PLXNA4: variants seen among roughly 807,000 people sequenced by gnomAD.
PLXNA4 encodes plexin-A4.
PLXNA4 carries 44 observed loss-of-function variants against 191.8 expected under a neutral mutation model. The ratio of observed to expected loss-of-function variants is 0.23; its 90% CI spans 0.18 to 0.29. The LOEUF (loss-of-function observed/expected upper bound fraction) is 0.29. Among genes scored for constraint, PLXNA4 ranks in the 10% least tolerant of loss-of-function variants. PLXNA4 has a pLI of 1.00. For synonymous variants in PLXNA4, 1,082 were observed against 1,009.5 expected (o/e 1.07, Z -1.36); for missense variants, 1,800 against 2,488.8 (o/e 0.72, Z 5.89).
chr7:132,271,539 G>C (rs2116329670), intron 4 of PLXNA4, among the ~76,000 whole-genome samples: 1 of 152,256 alleles, frequency 6.6e-6, no homozygotes, highest in East Asian at 1.9e-4. Context: ...TATTTCCAGA[G>C]GCTGAGGCAC....
chr7:132,365,849 G>A (rs1312942876), intron 3 of PLXNA4: 2 of 152,184 alleles, frequency 1.3e-5, no homozygotes, highest in Non-Finnish European at 2.9e-5. Context: ...TGCCCCCTCT[G>A]CTTTCATGTC....
chr7:132,620,664 C>T (rs541261860), intron 2 of PLXNA4, among the ~76,000 whole-genome samples: 1 of 152,250 alleles, frequency 6.6e-6, no homozygotes, highest in Admixed American at 6.5e-5. Flanking sequence ...TTGTCTTGTT[C>T]TCATTATTAT....
At chr7:132,387,817 G>A (rs1403007698) in intron 3 of PLXNA4, among the ~76,000 whole-genome samples, 1 of 152,144 alleles carries the variant, frequency 6.6e-6, no homozygotes, top group Non-Finnish European at 1.5e-5. Flanking sequence ...TTGACTGGCT[G>A]CAAGTTTGAT....
At chr7:132,185,934 T>C (rs1218553510) in intron 15 of PLXNA4, among the ~76,000 whole-genome samples, 1 of 152,252 alleles carries the variant, frequency 6.6e-6, no homozygotes, top group Non-Finnish European at 1.5e-5. Flanking sequence ...GAGCCCCATC[T>C]GTTTTCCCTG....
At chr7:132,626,103 A>G (rs1372435388) in intron 2 of PLXNA4, among the ~76,000 whole-genome samples, 1 of 152,174 alleles carries the variant, frequency 6.6e-6, no homozygotes, top group Non-Finnish European at 1.5e-5. Context: ...GGTATACCAG[A>G]TGATCCCAAT....
chr7:132,280,200 C>T (rs1442849970), intron 4 of PLXNA4, among the ~76,000 whole-genome samples: 1 of 152,104 alleles, frequency 6.6e-6, no homozygotes, highest in Non-Finnish European at 1.5e-5. Context: ...CCTTTTCCAG[C>T]TCCCCCTCCC....
chr7:132,359,307 T>C (rs929632087), intron 3 of PLXNA4, among the ~76,000 whole-genome samples: 2 of 148,112 alleles, frequency 1.4e-5, no homozygotes, highest in African/African-American at 5.0e-5. Flanking sequence ...CTGCAACCCG[T>C]ACCTTCAGAG....
In PLXNA4 at chr7:132,228,474, G is replaced by A; in HGVS notation, c.1605-5C>T. On this transcript the variant is annotated splice_region_variant and splice_polypyrimidine_tract_variant and intron_variant, in intron 5 of 31. Coordinates refer to ENST00000321063, the MANE Select transcript of PLXNA4 (RefSeq NM_020911.2). ...CACCGCTCCTTCCGGGTGCAACTGG[G>A]AAGGACATACCCTCGAGTTACTCAG... 6.2e-7 allele frequency: 1 copy of A among 1,614,110 alleles called. No individual in the cohort carries two copies. Among genetic ancestry groups the A allele is most frequent in the African/African-American group, 1.3e-5 (1 of 75,060 alleles).
chr7:132,361,823 CTGTG>C lies in PLXNA4; in HGVS notation c.1372-63605_1372-63602del, dbSNP rs200991025. 8.0e-3 allele frequency among the ~76,000 whole-genome samples: 1,213 copies of C among 151,012 alleles called. 12 individuals carry two copies. The highest frequency in any genetic ancestry group is 0.015 in the Non-Finnish European group (982 of 67,648). ...GTGTTCTATTATGGTGGGGGTGTGG[CTGTG>C]TGTGTGTGTGTGCACGCGTGCGTGA... is the stretch of plus-strand genomic sequence containing the variant. On this transcript the variant is annotated intron_variant, in intron 3 of 31. Transcript: ENST00000321063.
At chr7:132,468,261 A>G (rs1346152243) in intron 3 of PLXNA4, among the ~76,000 whole-genome samples, 2 of 152,098 alleles carry the variant, frequency 1.3e-5, no homozygotes, top group African/African-American at 4.8e-5. Flanking sequence ...ACACATACAC[A>G]CACAGACAGA....
intron 15 of PLXNA4, among the ~76,000 whole-genome samples, chr7:132,186,890 C>T (rs1038418682): frequency 7.2e-5 from 11 of 152,154 alleles, no homozygotes; most frequent in African/African-American, 2.7e-4. Context: ...GCCACAAGAT[C>T]AGAAATTATG....
intron 3 of PLXNA4, among the ~76,000 whole-genome samples, chr7:132,396,449 C>A (rs1487254029): frequency 6.6e-6 from 1 of 152,162 alleles, no homozygotes; most frequent in Non-Finnish European, 1.5e-5. Context: ...CAAGGTCGAA[C>A]AACTGATTAG....
At chr7:132,586,809 C>T (rs1192727531) in intron 2 of PLXNA4, among the ~76,000 whole-genome samples, 5 of 152,018 alleles carry the variant, frequency 3.3e-5, no homozygotes, top group Admixed American at 2.0e-4. Flanking sequence ...GCCTGTAGTC[C>T]TAGCTACTCA....
chr7:132,559,307 C>T (rs1303217608), intron 1 of PLXNA4, among the ~76,000 whole-genome samples: 2 of 152,090 alleles, frequency 1.3e-5, no homozygotes, highest in African/African-American at 2.4e-5. Context: ...AAACACTTAC[C>T]CTGCCCCCTG....
intron 3 of PLXNA4, among the ~76,000 whole-genome samples, chr7:132,462,494 A>G (rs1345397184): frequency 1.3e-5 from 2 of 152,180 alleles, no homozygotes; most frequent in Non-Finnish European, 2.9e-5. Context: ...TAAAAAGTAG[A>G]GATGAAAACA....
chr7:132,147,967 G>A lies in PLXNA4; in HGVS notation c.4797C>T (p.Ser1599=), dbSNP rs1400755566. 20 of 1,613,988 alleles carry A rather than the reference G, an allele frequency of 1.2e-5. No homozygotes were observed. Among genetic ancestry groups the A allele is most frequent in the Non-Finnish European group, 1.4e-5 (17 of 1,180,020 alleles). The part of the protein sequence containing the change: ...VPDGSVVALV[S]KQVTAYNAVN... The stretch of plus-strand genomic sequence containing the variant: ...CTGCGTTATAGGCTGTCACCTGCTT[G>A]GACACTAATGCCACCACGGAACCAT... The change falls in exon 27 of 32, where the codon TCC becomes TCT. Residue 1599 remains serine (S), a synonymous_variant. Coordinates refer to ENST00000321063, the MANE Select transcript of PLXNA4 (RefSeq NM_020911.2).
intron 3 of PLXNA4, among the ~76,000 whole-genome samples, chr7:132,450,435 C>G (rs156937): frequency 0.97 from 147,264 of 152,282 alleles, 71,267 homozygotes; most frequent in East Asian, 1. Flanking sequence ...GTGATGTCTT[C>G]AGAACCAATA....
rs111770685 is a variant in PLXNA4 at position 132,387,379 on chromosome 7, G to T, written c.1372-89157C>A. Reference sequence around the variant, plus strand: ...TGTTTTCTTTCCACTCAACCTTCACGATGTCTTTGAGTAAAGGAGATACTC... The same window carrying T: ...TGTTTTCTTTCCACTCAACCTTCACTATGTCTTTGAGTAAAGGAGATACTC... On this transcript the variant is annotated intron_variant, in intron 3 of 31. Transcript: ENST00000321063. Among the ~76,000 whole-genome samples the T allele has an allele frequency of 5.0e-3, 759 of 152,328 alleles. 3 individuals carry two copies. The highest frequency in any genetic ancestry group is 6.3e-3 in the Non-Finnish European group (428 of 68,040).
intron 2 of PLXNA4, among the ~76,000 whole-genome samples, chr7:132,602,036 T>C (rs1051241458): frequency 6.6e-6 from 1 of 152,254 alleles, no homozygotes; most frequent in Admixed American, 6.5e-5. Flanking sequence ...GTTTTTACCA[T>C]AGAAGAATCT....
Sources: allele counts gnomAD v4.1 joint callset (sites outside exome capture counted in the v4.1 genomes callset), GRCh38; gene constraint gnomAD v4.1.1; transcripts MANE v1.5; gene names NCBI Gene and HGNC (gene_info 2026-07-23, HGNC 2026-07-21).